Variants in PLEKHH2 observed in about 807,000 individuals in gnomAD.
The protein encoded by PLEKHH2 is pleckstrin homology domain-containing family H member 2.
PLEKHH2 carries 129 observed loss-of-function variants against 187.9 expected under a neutral mutation model. The observed-to-expected ratio is 0.69, with a 90% CI of 0.59 to 0.79. The LOEUF is 0.79. Among genes scored for constraint, PLEKHH2 ranks in the 30% least tolerant of loss-of-function variants. PLEKHH2 has a pLI of 0.00. For missense variants in PLEKHH2, 2,076 were observed against 1,751.2 expected (o/e 1.19, Z -3.31); for synonymous variants, 686 against 605.6 (o/e 1.13, Z -1.95).
At position 43,764,173 on chromosome 2, in the gene PLEKHH2, A is replaced by C. The variant is rs966007851; in HGVS notation, c.4159-55A>C. 21 of 1,070,992 alleles carry C rather than the reference A, an allele frequency of 2.0e-5. No individual in the cohort carries two copies. In the Admixed American group the frequency reaches 2.6e-4, roughly 13 times the overall value. 66.3% of individuals were successfully genotyped at this position (1,070,992 alleles called of 1,614,324 possible). On this transcript the variant is annotated intron_variant, in intron 28 of 29. Coordinates refer to ENST00000282406, the MANE Select transcript of PLEKHH2 (RefSeq NM_172069.4). ...GGAGATATATTATTAATTATTTTCC[A>C]TCTCTCCTTGGAAGTAAGAGCATAT...
intron 3 of PLEKHH2, among the ~76,000 whole-genome samples, chr2:43,683,232 G>A (rs541663587): frequency 1.6e-5 from 2 of 127,022 alleles, no homozygotes; most frequent in South Asian, 5.4e-4. Flanking sequence ...CACAACCTCC[G>A]CCTCCCACGT....
chr2:43,713,388 A>T (rs959566653), intron 15 of PLEKHH2, among the ~76,000 whole-genome samples: 3 of 152,144 alleles, frequency 2.0e-5, no homozygotes, highest in Non-Finnish European at 2.9e-5. Context: ...ATGGTTCATA[A>T]TAAAGAAAAA....
intron 1 of PLEKHH2, among the ~76,000 whole-genome samples, chr2:43,639,583 T>G (rs1703271394): frequency 1.3e-5 from 2 of 152,132 alleles, no homozygotes; most frequent in South Asian, 4.1e-4. Context: ...CTTCCATGAC[T>G]ATAGCGTGTA....
At chr2:43,710,646 A>G in intron 14 of PLEKHH2, 71 bp downstream of exon 14, 1 of 1,503,930 alleles carries the variant, frequency 6.6e-7, no homozygotes, top group Non-Finnish European at 8.8e-7. Flanking sequence ...ATCCAACCTA[A>G]TGGAAAGGAG....
chr2:43,765,344 C>A, intron 29 of PLEKHH2, 69 bp from the exon 30 acceptor site: 2 of 1,493,170 alleles, frequency 1.3e-6, no homozygotes, highest in Non-Finnish European at 9.1e-7. Flanking sequence ...CTGTGGCCAA[C>A]ACTTTACTCT....
chr2:43,713,195 T>C (rs1670052536), intron 15 of PLEKHH2, among the ~76,000 whole-genome samples: 1 of 152,156 alleles, frequency 6.6e-6, no homozygotes, highest in Admixed American at 6.5e-5. Context: ...TTGCAAAAGA[T>C]TTAATTATGA....
intron 2 of PLEKHH2, among the ~76,000 whole-genome samples, chr2:43,666,606 C>T (rs1441522776): frequency 6.6e-6 from 1 of 152,192 alleles, no homozygotes; most frequent in South Asian, 2.1e-4. Context: ...TGCAGTTTTA[C>T]CACCATTTGG....
At chr2:43,694,947 G>A (rs1186528285) in intron 5 of PLEKHH2, among the ~76,000 whole-genome samples, 196 bp from the exon 6 acceptor site, 3 of 152,192 alleles carry the variant, frequency 2.0e-5, no homozygotes, top group African/African-American at 4.8e-5. Context: ...TCTGAAAAAT[G>A]TAAATATTGA....
At chr2:43,672,884 G>A (rs1667557178) in intron 2 of PLEKHH2, among the ~76,000 whole-genome samples, 1 of 151,912 alleles carries the variant, frequency 6.6e-6, no homozygotes, top group Admixed American at 6.6e-5. Context: ...CTTGTCCTTG[G>A]TTTATGTAAT....
Position 43,692,601 on chromosome 2 carries a change from G to C in PLEKHH2, c.274G>C (p.Glu92Gln). 6.2e-7 allele frequency: 1 copy of C among 1,612,116 alleles called. No individual in the cohort carries two copies. The highest frequency in any genetic ancestry group is 1.3e-5 in the African/African-American group (1 of 74,954). ...ATTATATAATAAGTGTCAAGATCTGGAGTCGCTAATACAGGAAAAAGATGA... is the reference window on the plus strand; with the variant it reads ...ATTATATAATAAGTGTCAAGATCTGCAGTCGCTAATACAGGAAAAAGATGA... ...TRLYNKCQDL[E>Q]SLIQEKDDVI... The change falls in exon 4 of 30, where the codon GAG becomes CAG. Residue 92 changes from glutamate to glutamine, a missense_variant. Physicochemically the swap from Glu to Gln is conservative, Grantham distance 29. Coordinates refer to ENST00000282406, the MANE Select transcript of PLEKHH2 (RefSeq NM_172069.4).
rs765750610 is a variant in PLEKHH2, at chr2:43,743,930, T to C, written c.3496T>C (p.Leu1166=). ...MRKPAQSGFA[L]FTDDPSGRDL... Reference sequence around the variant, plus strand: ...GAAACCAGCGCAGTCTGGATTTGCGTTGTTCACTGACGATCCTTCTGGCAG... The same window carrying C: ...GAAACCAGCGCAGTCTGGATTTGCGCTGTTCACTGACGATCCTTCTGGCAG... Residue 1166 remains leucine, a synonymous_variant, in exon 23 of 30, where the codon TTG becomes CTG. Coordinates refer to ENST00000282406, the MANE Select transcript of PLEKHH2 (RefSeq NM_172069.4). 6.2e-7 allele frequency: 1 copy of C among 1,614,122 alleles called. No individual in the cohort carries two copies. Among genetic ancestry groups the C allele is most frequent in the Non-Finnish European group, 8.5e-7 (1 of 1,179,968 alleles).
chr2:43,758,770 A>C (rs1672313702), intron 26 of PLEKHH2, 130 bp from the exon 27 acceptor site: 1 of 682,784 alleles, frequency 1.5e-6, no homozygotes, highest in Non-Finnish European at 2.2e-6. Context: ...CAAAATCTTT[A>C]CCTGGGTTAT....
chr2:43,641,591 G>T (rs1319478806), intron 1 of PLEKHH2, among the ~76,000 whole-genome samples: 1 of 152,072 alleles, frequency 6.6e-6, no homozygotes, highest in Non-Finnish European at 1.5e-5. Flanking sequence ...GCCCAAGGAA[G>T]TCAAAAGATT....
In PLEKHH2 at chr2:43,727,864, A is replaced by G. The variant is rs557411231; in HGVS notation, c.2721+1413A>G. ...CCTCTCATATGATTTGAAAAGGACT[A>G]TGTTTCTAGTAGAAAAATGGAAAGA... On this transcript the variant is annotated intron_variant, in intron 17 of 29. Coordinates refer to ENST00000282406, the MANE Select transcript of PLEKHH2 (RefSeq NM_172069.4). Among the ~76,000 whole-genome samples the G allele has an allele frequency of 2.4e-4, 36 of 152,318 alleles. 1 individual carries two copies. Among genetic ancestry groups the G allele is most frequent in the African/African-American group, 8.2e-4 (34 of 41,570 alleles).
Position 43,709,984 on chromosome 2 carries a change from T to C in PLEKHH2, c.1967-6T>C. The C allele has an allele frequency of 6.2e-7, 1 of 1,603,054 alleles. No individual in the cohort carries two copies. The highest frequency in any genetic ancestry group is 8.5e-7 in the Non-Finnish European group (1 of 1,176,338). The stretch of plus-strand genomic sequence containing the variant: ...ACTGACTTGATTTCTTTCTTTGTTC[T>C]CTTAGGTGTGTCTCTCTCCTCTGTG... On this transcript the variant is annotated splice_region_variant and splice_polypyrimidine_tract_variant and intron_variant, in intron 11 of 29. Coordinates refer to ENST00000282406, the MANE Select transcript of PLEKHH2 (RefSeq NM_172069.4).
intron 3 of PLEKHH2, among the ~76,000 whole-genome samples, chr2:43,685,037 A>G (rs1191849145): frequency 6.6e-6 from 1 of 152,220 alleles, no homozygotes; most frequent in African/African-American, 2.4e-5. Flanking sequence ...TGATGAAGTC[A>G]CCTTTTTTGG....
At chr2:43,670,852 T>C (rs1185102219) in intron 2 of PLEKHH2, among the ~76,000 whole-genome samples, 6 of 152,250 alleles carry the variant, frequency 3.9e-5, no homozygotes, top group Non-Finnish European at 7.3e-5. Context: ...ATCAGTATAT[T>C]GTGATTTTCA....
At chr2:43,699,411 C>T (rs888665008) in intron 7 of PLEKHH2, among the ~76,000 whole-genome samples, 2 of 152,096 alleles carry the variant, frequency 1.3e-5, no homozygotes, top group African/African-American at 4.8e-5. Flanking sequence ...CAGGGTCTTG[C>T]TCTGTCACCC....
At chr2:43,698,771 T>C (rs2104481191) in intron 7 of PLEKHH2, among the ~76,000 whole-genome samples, 1 of 152,330 alleles carries the variant, frequency 6.6e-6, no homozygotes, top group South Asian at 2.1e-4. Context: ...TTTTCTACAC[T>C]TCAGTCTAAA....
Sources: allele counts gnomAD v4.1 joint callset (sites outside exome capture counted in the v4.1 genomes callset), GRCh38; gene constraint gnomAD v4.1.1; transcripts MANE v1.5; gene names NCBI Gene and HGNC (gene_info 2026-07-23, HGNC 2026-07-21).